TFDP1: variants seen among roughly 807,000 people sequenced by gnomAD.
TFDP1 encodes the protein DRTF1-polypeptide 1.
In TFDP1, 6 loss-of-function variants were observed where a neutral mutation model predicts 48.0. The ratio of observed to expected loss-of-function variants is 0.13; its 90% CI spans 0.07 to 0.25. TFDP1 has a LOEUF of 0.25. TFDP1 is among the 10% of genes least tolerant of loss of function. The probability of loss-of-function intolerance (pLI) is 1.00; values close to 1 mark genes in which losing one functional copy is unlikely to be tolerated. For synonymous variants in TFDP1, 201 were observed against 211.6 expected, an observed-to-expected ratio of 0.95 and a Z score of 0.44; for missense variants, 335 against 543.0, an observed-to-expected ratio of 0.62 and a Z score of 3.81.
Position 113,613,626 on chromosome 13 carries a change from AGT to A in TFDP1, c.79+2572_79+2573del, listed in dbSNP as rs143082677. ...TGCGTGAATGCGTGGGTATGTGAGGAGTGTGTGTGCATGTGTGTCTGCGTGAA... is the reference window on the plus strand; with the variant it reads ...TGCGTGAATGCGTGGGTATGTGAGGAGTGTGTGCATGTGTGTCTGCGTGAA... On this transcript the variant is annotated intron_variant, in intron 3 of 11. Transcript: ENST00000375370. 3.8e-3 allele frequency among the ~76,000 whole-genome samples: 535 copies of A among 139,624 alleles called. 17 individuals are homozygous for A. The highest frequency in any genetic ancestry group is 0.012 in the African/African-American group (465 of 37,846). The allele number at this position is 139,624 out of a possible 152,430, so 91.6% of individuals were successfully genotyped here. A position where few individuals can be genotyped will look rare whatever the true frequency, so the allele number is the denominator to read the frequency against.
chr13:113,625,029 G>C (rs1275227564), intron 4 of TFDP1, among the ~76,000 whole-genome samples: 2 of 133,534 alleles, frequency 1.5e-5, no homozygotes, highest in Non-Finnish European at 1.6e-5. Context: ...GTGTCCTCAG[G>C]TGTTTCTCAG....
chr13:113,613,780 TATC>T (rs1207494595), intron 3 of TFDP1, among the ~76,000 whole-genome samples: 4 of 151,676 alleles, frequency 2.6e-5, no homozygotes, highest in Non-Finnish European at 5.9e-5. Flanking sequence ...GAGGAGTGCT[TATC>T]AGTGCATTGT....
intron 2 of TFDP1, among the ~76,000 whole-genome samples, chr13:113,608,481 C>T (rs1451451828): frequency 6.6e-6 from 1 of 152,170 alleles, no homozygotes; most frequent in Non-Finnish European, 1.5e-5. Context: ...CGTCAGACCC[C>T]CAGCAGGGCT....
chr13:113,640,172 C>A lies in TFDP1; in HGVS notation c.1138C>A (p.Gln380Lys), dbSNP rs1402860159. 2 of 1,613,328 alleles carry A rather than the reference C, an allele frequency of 1.2e-6. No homozygotes were observed. Among genetic ancestry groups the A allele is most frequent in the Admixed American group, 3.3e-5 (2 of 59,880 alleles). ...GCTGGCCACAAGCTCCAATGGGTCTCAGTACAGCGGCTCCAGGGTGGAGAC... is the reference window on the plus strand; with the variant it reads ...GCTGGCCACAAGCTCCAATGGGTCTAAGTACAGCGGCTCCAGGGTGGAGAC... ...GMLATSSNGS[Q>K]YSGSRVETPV... Residue 380 changes from glutamine (Q) to lysine (K), a missense_variant, in exon 12 of 12, where the codon CAG becomes AAG. Around this residue, in one of 3 missense-constraint regions of TFDP1, gnomAD observed 204 missense variants for 287.1 expected, o/e 0.71. Transcript: ENST00000375370.
intron 2 of TFDP1, among the ~76,000 whole-genome samples, chr13:113,589,267 G>A (rs1451470515): frequency 6.6e-6 from 1 of 152,200 alleles, no homozygotes; most frequent in African/African-American, 2.4e-5. Context: ...GTGGGAGAAT[G>A]TGGAGAACAG....
At position 113,585,761 on chromosome 13, in the gene TFDP1, T is replaced by G. The variant is rs1006925317; in HGVS notation, c.-64-13T>G. On this transcript the variant is annotated splice_polypyrimidine_tract_variant and intron_variant, in intron 1 of 11. Coordinates refer to ENST00000375370, the MANE Select transcript of TFDP1 (RefSeq NM_007111.5). ...TTCTTGTTTTTCCTTACTTTTTTTT[T>G]TTTTTTTACCAGAAAAATCATTTTT... 7 of 1,403,604 alleles carry G rather than the reference T, an allele frequency of 5.0e-6. No individual in the cohort carries two copies. Among genetic ancestry groups the G allele is most frequent in the Non-Finnish European group, 6.8e-6 (7 of 1,023,370 alleles). 86.9% of individuals were successfully genotyped at this position (1,403,604 alleles called of 1,614,324 possible).
intron 7 of TFDP1, 90 bp from the exon 8 acceptor site, chr13:113,634,444 A>G (rs146628922): frequency 1.7e-5 from 18 of 1,042,526 alleles, no homozygotes; most frequent in Non-Finnish European, 2.5e-5. Flanking sequence ...AAACATAGGT[A>G]ACACTGTGAG....
chr13:113,635,710 CG>C (rs1014995384), intron 8 of TFDP1, among the ~76,000 whole-genome samples: 20 of 152,294 alleles, frequency 1.3e-4, no homozygotes, highest in African/African-American at 4.6e-4. Context: ...TTTTGTTGAG[CG>C]CCGTTGCCGT....
At chr13:113,606,454 G>A (rs1334840186) in intron 2 of TFDP1, among the ~76,000 whole-genome samples, 5 of 152,104 alleles carry the variant, frequency 3.3e-5, no homozygotes, top group African/African-American at 1.2e-4. Flanking sequence ...TCTCCTGGTG[G>A]AAGGGCCAGG....
At chr13:113,584,919 C>CGCGGGCGGGAGCCGGGGGT (rs1010282196) in intron 1 of TFDP1, 31 bp downstream of exon 1, 2 of 146,414 alleles carry the variant, frequency 1.4e-5, no homozygotes, top group Admixed American at 6.8e-5. Flanking sequence ...CCGCGGGAGC[C>CGCGGGCGGGAGCCGGGGGT]GCGGGCGGGA....
In TFDP1 at chr13:113,640,133, G is replaced by T. The variant is rs770888592; in HGVS notation, c.1099G>T (p.Gly367Cys). The change falls in exon 12 of 12, where the codon GGT becomes TGT. Residue 367 changes from glycine to cysteine, a missense_variant. Gly to Cys is a radical substitution (Grantham distance 159). Coordinates refer to ENST00000375370, the MANE Select transcript of TFDP1 (RefSeq NM_007111.5). ...CCTGCCTTGCAGTGACCTGACCAAC[G>T]GTGCAGATGGGATGCTGGCCACAAG... ...TRFSASDLTN[G>C]ADGMLATSSN... The T allele has an allele frequency of 2.5e-6, 4 of 1,605,646 alleles. No individual in the cohort carries two copies. The highest frequency in any genetic ancestry group is 2.7e-5 in the African/African-American group (2 of 74,384).
intron 4 of TFDP1, among the ~76,000 whole-genome samples, chr13:113,624,727 CGTGTCTCTCAG>C (rs1278528997): frequency 7.1e-5 from 5 of 70,124 alleles, no homozygotes; most frequent in Non-Finnish European, 9.9e-5. Flanking sequence ...CATGTCCTCA[CGTGTCTCTCAG>C]GTGTCTCTCA....
At chr13:113,634,192 G>A (rs1170257013) in intron 7 of TFDP1, 159 bp downstream of exon 7, 2 of 1,026,836 alleles carry the variant, frequency 1.9e-6, no homozygotes, top group Non-Finnish European at 3.0e-6. Flanking sequence ...TCTCAGTCTT[G>A]GCTGTCAGGG....
chr13:113,601,821 A>C (rs899169465), intron 2 of TFDP1, among the ~76,000 whole-genome samples: 7 of 152,192 alleles, frequency 4.6e-5, no homozygotes, highest in Non-Finnish European at 1.5e-5. Context: ...AGTTACCCGC[A>C]GGAGTTGAGG....
intron 8 of TFDP1, 145 bp downstream of exon 8, chr13:113,634,747 G>A: frequency 4.6e-6 from 3 of 659,014 alleles, no homozygotes; most frequent in Non-Finnish European, 7.9e-6. Flanking sequence ...TCATCTCATA[G>A]GTGTTGAACG....
At chr13:113,638,349 G>C (rs1481306338) in intron 11 of TFDP1, among the ~76,000 whole-genome samples, 3 of 151,238 alleles carry the variant, frequency 2.0e-5, no homozygotes, top group Non-Finnish European at 4.4e-5. Flanking sequence ...ACGCATCTGC[G>C]GTCATGGTGC....
intron 2 of TFDP1, among the ~76,000 whole-genome samples, chr13:113,595,943 G>A (rs1286199061): frequency 3.3e-5 from 5 of 152,338 alleles, no homozygotes; most frequent in Admixed American, 2.6e-4. Flanking sequence ...TTAGCTGGGC[G>A]TGGTGGCGGG....
chr13:113,637,742 T>C, intron 10 of TFDP1, 76 bp from the exon 11 acceptor site: 1 of 1,613,246 alleles, frequency 6.2e-7, no homozygotes, highest in South Asian at 1.1e-5. Flanking sequence ...GAACTGCGCG[T>C]CATTTTGTTG....
rs4150740 is a variant in TFDP1, at chr13:113,612,167, A to C, written c.79+1105A>C. Reference sequence around the variant, plus strand: ...CCTTGCCACCCGTCCCTTTCTGTCCAGTGCTGGTGCGGGCGCCCATGGTGC... The same window carrying C: ...CCTTGCCACCCGTCCCTTTCTGTCCCGTGCTGGTGCGGGCGCCCATGGTGC... On this transcript the variant is annotated intron_variant, in intron 3 of 11. Transcript: ENST00000375370. 2.2e-4 allele frequency among the ~76,000 whole-genome samples: 34 copies of C among 152,250 alleles called. No individual in the cohort carries two copies. The South Asian group carries it at 7.0e-3, about 32-fold the overall frequency.
Sources: allele counts gnomAD v4.1 joint callset (sites outside exome capture counted in the v4.1 genomes callset), GRCh38; gene constraint gnomAD v4.1.1; regional missense constraint gnomAD v4.1.1; transcripts MANE v1.5; gene names NCBI Gene and HGNC (gene_info 2026-07-23, HGNC 2026-07-21).